Variants in NDUFAF2 observed in about 807,000 individuals in gnomAD.
NDUFAF2 encodes the protein NADH dehydrogenase [ubiquinone] 1 alpha subcomplex assembly factor 2.
In NDUFAF2, 13 loss-of-function variants were observed where a neutral mutation model predicts 22.8. The ratio of observed to expected loss-of-function variants is 0.57; its 90% CI spans 0.37 to 0.91. The LOEUF is 0.91. NDUFAF2 is among the 40% of genes least tolerant of loss of function. The pLI is 0.01. For missense variants in NDUFAF2, 162 were observed against 195.2 expected (o/e 0.83, Z 1.01); for synonymous variants, 53 against 64.2 (o/e 0.83, Z 0.84).
At chr5:61,016,132 G>C (rs925394788) in intron 1 of NDUFAF2, among the ~76,000 whole-genome samples, 7 of 152,124 alleles carry the variant, frequency 4.6e-5, no homozygotes, top group African/African-American at 1.7e-4. Context: ...GTTGCAGTAA[G>C]CCAAGATCAC....
chr5:61,119,264 G>A (rs1752949054), intron 3 of NDUFAF2, among the ~76,000 whole-genome samples: 1 of 152,054 alleles, frequency 6.6e-6, no homozygotes, highest in African/African-American at 2.4e-5. Flanking sequence ...CTTATCATCA[G>A]GCATCTGGTA....
Position 60,949,456 on chromosome 5 carries a change from G to A in NDUFAF2, c.127+4074G>A, listed in dbSNP as rs1468670881. Among the ~76,000 whole-genome samples the A allele has an allele frequency of 4.6e-5, 7 of 152,288 alleles. No individual in the cohort carries two copies. In the East Asian group the frequency reaches 1.4e-3, roughly 29 times the overall value. On this transcript the variant is annotated intron_variant, in intron 1 of 3. Transcript: ENST00000296597. The stretch of plus-strand genomic sequence containing the variant: ...CATTTACTCATTAAAGGGCATTTGA[G>A]TTTAGTTACTTGCAGTTTTTGGTGA...
At chr5:61,033,220 A>G (rs944197149) in intron 1 of NDUFAF2, among the ~76,000 whole-genome samples, 3 of 152,160 alleles carry the variant, frequency 2.0e-5, no homozygotes, top group Non-Finnish European at 4.4e-5. Context: ...TTATTGGTGT[A>G]TAGGAATGCT....
intron 1 of NDUFAF2, among the ~76,000 whole-genome samples, chr5:61,022,846 T>G (rs1313497715): frequency 1.3e-5 from 2 of 152,340 alleles, no homozygotes; most frequent in Admixed American, 1.3e-4. Context: ...AGTTTTGCCA[T>G]GTTGGCCAGG....
chr5:60,955,919 GTT>G (rs201647934), intron 1 of NDUFAF2, among the ~76,000 whole-genome samples: 2 of 143,986 alleles, frequency 1.4e-5, no homozygotes, highest in Non-Finnish European at 1.5e-5. Context: ...TGTTGACTTT[GTT>G]TTTTTTTTTT....
At chr5:61,098,870 C>T in intron 2 of NDUFAF2, 122 bp from the exon 3 acceptor site, 3 of 603,702 alleles carry the variant, frequency 5.0e-6, no homozygotes, top group Non-Finnish European at 8.9e-6. Flanking sequence ...TGTTTTATTC[C>T]CTGCTGTATC....
intron 1 of NDUFAF2, among the ~76,000 whole-genome samples, chr5:61,059,323 C>T (rs549183341): frequency 6.6e-6 from 1 of 152,202 alleles, no homozygotes; most frequent in East Asian, 1.9e-4. Context: ...AGTTTATTGT[C>T]CTTGTGCAAA....
intron 1 of NDUFAF2, among the ~76,000 whole-genome samples, chr5:60,953,143 G>A (rs1054618034): frequency 6.6e-6 from 1 of 151,928 alleles, no homozygotes; most frequent in African/African-American, 2.4e-5. Context: ...AAAACAAAAA[G>A]TGTAGAAAAC....
chr5:61,152,562 CAT>C, intron 3 of NDUFAF2, 140 bp from the exon 4 acceptor site: 1 of 540,606 alleles, frequency 1.8e-6, no homozygotes, highest in South Asian at 4.0e-5. Flanking sequence ...AACTTATATA[CAT>C]ATCTGTATAT....
chr5:61,006,624 C>G (rs931102347), intron 1 of NDUFAF2, among the ~76,000 whole-genome samples: 7 of 152,058 alleles, frequency 4.6e-5, no homozygotes, highest in Non-Finnish European at 7.4e-5. Context: ...TCATTGAGCA[C>G]TGATTTGTAG....
intron 1 of NDUFAF2, among the ~76,000 whole-genome samples, chr5:61,068,106 A>T (rs1752252884): frequency 6.6e-6 from 1 of 152,140 alleles, no homozygotes; most frequent in East Asian, 1.9e-4. Context: ...ACATGTTAAC[A>T]TAAAGAATGT....
At chr5:60,973,883 C>A (rs1464130587) in intron 1 of NDUFAF2, among the ~76,000 whole-genome samples, 1 of 152,148 alleles carries the variant, frequency 6.6e-6, no homozygotes, top group Non-Finnish European at 1.5e-5. Context: ...TGGCTCACTG[C>A]AACCTTTGCC....
intron 2 of NDUFAF2, among the ~76,000 whole-genome samples, chr5:61,085,825 A>T (rs1248999119): frequency 1.3e-5 from 2 of 152,168 alleles, no homozygotes; most frequent in African/African-American, 4.8e-5. Context: ...TGAAAAACAT[A>T]AAATATCAGC....
chr5:61,008,743 CAT>C (rs1751405778), intron 1 of NDUFAF2, among the ~76,000 whole-genome samples: 3 of 152,038 alleles, frequency 2.0e-5, no homozygotes, highest in Admixed American at 2.0e-4. Flanking sequence ...CGAATGTAAA[CAT>C]AGATCCTTCT....
At chr5:60,959,700 A>G (rs1222323081) in intron 1 of NDUFAF2, among the ~76,000 whole-genome samples, 1 of 152,058 alleles carries the variant, frequency 6.6e-6, no homozygotes, top group African/African-American at 2.4e-5. Flanking sequence ...CTTACTTTAA[A>G]ATACTTTGTT....
intron 1 of NDUFAF2, among the ~76,000 whole-genome samples, chr5:60,989,187 A>G (rs1751123167): frequency 6.6e-6 from 1 of 152,234 alleles, no homozygotes; most frequent in Non-Finnish European, 1.5e-5. Context: ...TAATTAGAGA[A>G]ATGCAAATCA....
chr5:61,134,160 A>C (rs1206377510), intron 3 of NDUFAF2, among the ~76,000 whole-genome samples: 1 of 152,194 alleles, frequency 6.6e-6, no homozygotes, highest in Non-Finnish European at 1.5e-5. Context: ...AAGTAAAAAA[A>C]GTAAGATGAA....
At chr5:60,975,239 C>G (rs1019145729) in intron 1 of NDUFAF2, among the ~76,000 whole-genome samples, 1 of 151,794 alleles carries the variant, frequency 6.6e-6, no homozygotes, top group Non-Finnish European at 1.5e-5. Flanking sequence ...TTACGACACT[C>G]CAATTTATTT....
intron 1 of NDUFAF2, among the ~76,000 whole-genome samples, chr5:61,034,970 T>C (rs1735537043): frequency 6.6e-6 from 1 of 151,478 alleles, no homozygotes; most frequent in South Asian, 2.1e-4. Flanking sequence ...TTTGTTAACA[T>C]TCCTCTGTCT....
Sources: allele counts gnomAD v4.1 joint callset (sites outside exome capture counted in the v4.1 genomes callset), GRCh38; gene constraint gnomAD v4.1.1; transcripts MANE v1.5; gene names NCBI Gene and HGNC (gene_info 2026-07-23, HGNC 2026-07-21).